The following LDLRAD3 variants were observed in gnomAD, a reference collection of about 807,000 sequenced individuals.
LDLRAD3 encodes the protein low density lipoprotein receptor class A domain containing 3, also known as low-density lipoprotein receptor class A domain-containing protein 3.
A neutral mutation model predicts 29.4 loss-of-function variants in LDLRAD3; 20 were observed. The observed-to-expected ratio is 0.68, with a 90% confidence interval of 0.48 to 0.99. LDLRAD3 has a LOEUF of 0.99. Ranked by LOEUF, LDLRAD3 falls within the 50% of genes least tolerant of loss-of-function variation. LDLRAD3 has a pLI of 0.00. For synonymous variants in LDLRAD3, 157 were observed against 192.7 expected (o/e 0.81, Z 1.53); for missense variants, 420 against 454.3 (o/e 0.92, Z 0.69).
At chr11:36,042,558 A>G (rs1852395755) in intron 2 of LDLRAD3, among the ~76,000 whole-genome samples, 1 of 152,110 alleles carries the variant, frequency 6.6e-6, no homozygotes, top group Non-Finnish European at 1.5e-5. Flanking sequence ...GCACAACACT[A>G]TCATTTTGGG....
chr11:35,986,277 T>G (rs757529474), intron 1 of LDLRAD3, among the ~76,000 whole-genome samples: 8 of 152,194 alleles, frequency 5.3e-5, no homozygotes, highest in Non-Finnish European at 8.8e-5. Flanking sequence ...AAAGGAGAGA[T>G]AATTTATTTC....
intron 1 of LDLRAD3, among the ~76,000 whole-genome samples, chr11:36,005,767 C>G (rs1851877506): frequency 6.6e-6 from 1 of 152,152 alleles, no homozygotes; most frequent in African/African-American, 2.4e-5. Flanking sequence ...ATTCTGCAAG[C>G]TTAACAAGAA....
intron 2 of LDLRAD3, among the ~76,000 whole-genome samples, chr11:36,073,729 A>G (rs867537938): frequency 6.6e-6 from 1 of 152,264 alleles, no homozygotes; most frequent in Non-Finnish European, 1.5e-5. Flanking sequence ...AGGAAGTCTC[A>G]TTAGTAATTC....
At chr11:36,127,231 T>C (rs1853851533) in intron 4 of LDLRAD3, among the ~76,000 whole-genome samples, 1 of 152,222 alleles carries the variant, frequency 6.6e-6, no homozygotes, top group Non-Finnish European at 1.5e-5. Context: ...TATAATGAAA[T>C]ATTAATATAA....
chr11:36,085,772 T>C (rs958920771), intron 3 of LDLRAD3, among the ~76,000 whole-genome samples: 2 of 151,690 alleles, frequency 1.3e-5, no homozygotes, highest in African/African-American at 4.8e-5. Flanking sequence ...CCACCATGCC[T>C]GGCTAATTTT....
At chr11:36,100,829 G>T (rs1043828831) in intron 4 of LDLRAD3, among the ~76,000 whole-genome samples, 2 of 152,204 alleles carry the variant, frequency 1.3e-5, no homozygotes, top group Non-Finnish European at 2.9e-5. Flanking sequence ...TCTAAGATGT[G>T]GAGGTTAGGC....
chr11:36,194,611 C>T (rs1342164437), intron 4 of LDLRAD3, among the ~76,000 whole-genome samples: 4 of 152,098 alleles, frequency 2.6e-5, no homozygotes, highest in Non-Finnish European at 5.9e-5. Flanking sequence ...TCATGGTTGC[C>T]CAACTGTAAT....
chr11:36,022,318 C>T (rs567076006), intron 1 of LDLRAD3, among the ~76,000 whole-genome samples: 3 of 152,186 alleles, frequency 2.0e-5, no homozygotes, highest in East Asian at 1.9e-4. Flanking sequence ...ATTCTTTAAT[C>T]GTGAATTATA....
At chr11:35,966,778 A>G (rs1197754121) in intron 1 of LDLRAD3, among the ~76,000 whole-genome samples, 1 of 152,224 alleles carries the variant, frequency 6.6e-6, no homozygotes, top group Non-Finnish European at 1.5e-5. Context: ...GAAAGGGTAT[A>G]TATATTAGGA....
At chr11:36,170,505 C>T (rs1854583368) in intron 4 of LDLRAD3, among the ~76,000 whole-genome samples, 1 of 151,892 alleles carries the variant, frequency 6.6e-6, no homozygotes, top group African/African-American at 2.4e-5. Context: ...ACTTCTTTTC[C>T]TCTGGGTAGA....
At chr11:36,055,897 A>G (rs1852611646) in intron 2 of LDLRAD3, among the ~76,000 whole-genome samples, 1 of 145,880 alleles carries the variant, frequency 6.9e-6, no homozygotes, top group Non-Finnish European at 1.5e-5. Context: ...CTGCACATGT[A>G]GGAATGAGTT....
intron 1 of LDLRAD3, among the ~76,000 whole-genome samples, chr11:35,973,837 C>A (rs568656377): frequency 3.3e-4 from 51 of 152,290 alleles, no homozygotes; most frequent in African/African-American, 1.2e-3. Context: ...ATACTCCCCA[C>A]CAGCACTAAA....
intron 4 of LDLRAD3, among the ~76,000 whole-genome samples, chr11:36,155,977 C>G: frequency 6.6e-6 from 1 of 152,156 alleles, no homozygotes; most frequent in East Asian, 1.9e-4. Context: ...AAATTATGTT[C>G]TTAGATGAGT....
intron 4 of LDLRAD3, among the ~76,000 whole-genome samples, chr11:36,198,447 A>T (rs941143191): frequency 8.5e-5 from 13 of 152,104 alleles, no homozygotes; most frequent in African/African-American, 3.1e-4. Flanking sequence ...CTGTCCACTA[A>T]TGTGCTGTCT....
intron 2 of LDLRAD3, among the ~76,000 whole-genome samples, chr11:36,060,538 A>G (rs1405563535): frequency 2.2e-5 from 3 of 139,408 alleles, no homozygotes; most frequent in Non-Finnish European, 4.9e-5. Context: ...ATTCACACTC[A>G]TCCTTCCTTA....
intron 1 of LDLRAD3, among the ~76,000 whole-genome samples, chr11:35,950,719 T>C (rs1464777268): frequency 6.6e-6 from 1 of 152,200 alleles, no homozygotes; most frequent in Non-Finnish European, 1.5e-5. Context: ...GTTTACTCTG[T>C]CTGGCAGGGT....
chr11:36,189,608 T>A (rs1442064391), intron 4 of LDLRAD3, among the ~76,000 whole-genome samples: 2 of 152,248 alleles, frequency 1.3e-5, no homozygotes, highest in East Asian at 3.9e-4. Flanking sequence ...CTTTAAGTTC[T>A]AGGGTACATG....
chr11:36,155,497 C>T (rs150017537), intron 4 of LDLRAD3, among the ~76,000 whole-genome samples: 15 of 152,310 alleles, frequency 9.8e-5, no homozygotes, highest in African/African-American at 3.6e-4. Context: ...TTTCTCCCCA[C>T]GCTGGCCTCC....
intron 1 of LDLRAD3, among the ~76,000 whole-genome samples, chr11:36,028,862 A>G (rs1852199934): frequency 6.6e-6 from 1 of 152,200 alleles, no homozygotes; most frequent in African/African-American, 2.4e-5. Flanking sequence ...TAGCTGTGTG[A>G]CCTTGGGCAA....
Sources: gnomAD v4.1 joint callset for allele counts (sites outside exome capture counted in the v4.1 genomes callset) on GRCh38, gnomAD v4.1.1 for gene constraint, MANE v1.5 for transcripts, NCBI Gene and HGNC (gene_info 2026-07-23, HGNC 2026-07-21) for gene names.